LTN1: variants seen among roughly 807,000 people sequenced by gnomAD.
LTN1 encodes the protein listerin E3 ubiquitin protein ligase 1, also known as E3 ubiquitin-protein ligase listerin.
A neutral mutation model predicts 201.2 loss-of-function variants in LTN1; 88 were observed. That is an observed-to-expected ratio of 0.44 (90% CI 0.37 to 0.52). The LOEUF is 0.52. Among genes scored for constraint, LTN1 ranks in the 20% least tolerant of loss-of-function variants. LTN1 has a pLI of 0.00. For missense variants in LTN1, 1,752 were observed against 2,038.7 expected (o/e 0.86, Z 2.71); for synonymous variants, 645 against 713.5 (o/e 0.90, Z 1.53).
At position 28,991,570 on chromosome 21, in the gene LTN1, T is replaced by C. The variant is rs8131028; in HGVS notation, c.42+1194A>G. On this transcript the variant is annotated intron_variant, in intron 1 of 29. Coordinates refer to ENST00000361371, the MANE Select transcript of LTN1 (RefSeq NM_015565.3). The stretch of plus-strand genomic sequence containing the variant: ...GCAAATGCAACCAAGTATTAGCAAT[T>C]GGTAAATGTAGGTAAAGAGTATATG... 4.8e-3 allele frequency among the ~76,000 whole-genome samples: 729 copies of C among 152,306 alleles called. 7 individuals are homozygous for C. The highest frequency in any genetic ancestry group is 0.017 in the African/African-American group (700 of 41,568).
chr21:28,987,277 G>C (rs1240227965), intron 1 of LTN1, among the ~76,000 whole-genome samples: 1 of 152,048 alleles, frequency 6.6e-6, no homozygotes, highest in African/African-American at 2.4e-5. Context: ...ATCACATGCA[G>C]GAAAATTTTC....
chr21:28,956,212 A>C (rs551021129), intron 16 of LTN1, among the ~76,000 whole-genome samples: 2 of 152,186 alleles, frequency 1.3e-5, no homozygotes, highest in South Asian at 4.1e-4. Context: ...TCAATAACAC[A>C]GTAGGATGAC....
At chr21:28,940,791 G>T (rs1159306994) in intron 25 of LTN1, among the ~76,000 whole-genome samples, 1 of 152,160 alleles carries the variant, frequency 6.6e-6, no homozygotes, top group Non-Finnish European at 1.5e-5. Context: ...AAGTTAGTTG[G>T]ATAAAATGAG....
intron 25 of LTN1, among the ~76,000 whole-genome samples, chr21:28,940,650 A>G (rs1040506382): frequency 5.3e-5 from 8 of 152,196 alleles, no homozygotes; most frequent in Non-Finnish European, 8.8e-5. Context: ...TATAAATATT[A>G]TTTCCTGAAA....
chr21:28,945,429 T>A (rs1601171817), intron 21 of LTN1, among the ~76,000 whole-genome samples: 1 of 152,336 alleles, frequency 6.6e-6, no homozygotes. Flanking sequence ...AATCTGCTAC[T>A]ATTTAATGCA....
chr21:28,986,373 T>A lies in LTN1; in HGVS notation c.247-136A>T, dbSNP rs929101418. 1.4e-5 allele frequency: 10 copies of A among 693,156 alleles called. No individual in the cohort carries two copies. In the African/African-American group the frequency reaches 1.8e-4, roughly 12 times the overall value. The allele number at this position is 693,156 out of a possible 1,614,324, so 42.9% of individuals were successfully genotyped here. A position where few individuals can be genotyped will look rare whatever the true frequency, so the allele number is the denominator to read the frequency against. ...CTCTTTATGCCATATGAGACTAGTT[T>A]GAAGAGCTCTTTCACAGGCTACTAC... On this transcript the variant is annotated intron_variant, in intron 2 of 29. Transcript: ENST00000361371. The surrounding 1 kb of genome is among the most constrained non-coding windows in gnomAD (Gnocchi z 4.1).
chr21:28,950,025 G>A (rs1314155044), intron 18 of LTN1, among the ~76,000 whole-genome samples: 1 of 151,916 alleles, frequency 6.6e-6, no homozygotes, highest in East Asian at 1.9e-4. Flanking sequence ...GTTATATTTG[G>A]CATGCAGTCT....
intron 18 of LTN1, 44 bp downstream of exon 18, chr21:28,952,116 G>C (rs373492444): frequency 8.5e-7 from 1 of 1,183,146 alleles, no homozygotes; most frequent in Admixed American, 2.1e-5. Context: ...CAAAGTGACC[G>C]ATTACAGTAA....
chr21:28,967,118 T>C lies in LTN1; in HGVS notation c.1373A>G (p.Asn458Ser), dbSNP rs1224824559. Reference sequence around the variant, plus strand: ...GGAACTTAGAGTTTCTGCTAAATGGTTAAATAGCTGCCCATGTTGCAATCC... The same window carrying C: ...GGAACTTAGAGTTTCTGCTAAATGGCTAAATAGCTGCCCATGTTGCAATCC... ...DPGLQHGQLF[N>S]HLAETLSSWE... The change falls in exon 10 of 30, where the codon AAC (asparagine) becomes AGC (serine). Residue 458 changes from asparagine to serine, a missense_variant. By Grantham distance (46) the Asn-to-Ser change is conservative (BLOSUM62 1). Around this residue, in one of 3 missense-constraint regions of LTN1, gnomAD observed 1,211 missense variants for 1,312.8 expected, o/e 0.92. Coordinates refer to ENST00000361371, the MANE Select transcript of LTN1 (RefSeq NM_015565.3). The C allele has an allele frequency of 6.2e-7, 1 of 1,614,108 alleles. No individual in the cohort carries two copies. The highest frequency in any genetic ancestry group is 8.5e-7 in the Non-Finnish European group (1 of 1,179,990).
chr21:28,974,981 T>G (rs1435342103), intron 6 of LTN1, among the ~76,000 whole-genome samples: 4 of 146,964 alleles, frequency 2.7e-5, no homozygotes, highest in Non-Finnish European at 6.0e-5. Context: ...AACTGCCTCC[T>G]AACAAAAAAA....
At position 28,955,691 on chromosome 21, in the gene LTN1, G is replaced by C. The variant is rs193153146; in HGVS notation, c.3079+1071C>G. On this transcript the variant is annotated intron_variant, in intron 16 of 29. Transcript: ENST00000361371. ...TATAATCCCAGCACTTTGGGAGGCT[G>C]AGACGGGCGGATCACGAGGTCAGGA... is the stretch of plus-strand genomic sequence containing the variant. 4.3e-3 allele frequency among the ~76,000 whole-genome samples: 651 copies of C among 152,142 alleles called. 2 individuals are homozygous for C. Among genetic ancestry groups the C allele is most frequent in the African/African-American group, 0.015 (610 of 41,518 alleles).
At chr21:28,936,494 C>G (rs748408742) in intron 26 of LTN1, 32 bp downstream of exon 26, 1 of 1,553,354 alleles carries the variant, frequency 6.4e-7, no homozygotes, top group African/African-American at 1.4e-5. Flanking sequence ...ATCTAGTGTC[C>G]AAGAAAGAAC....
intron 18 of LTN1, among the ~76,000 whole-genome samples, chr21:28,948,416 T>C (rs951017238): frequency 6.6e-6 from 1 of 151,132 alleles, no homozygotes. Flanking sequence ...ATTACAGGCA[T>C]GCACCACCAT....
intron 21 of LTN1, among the ~76,000 whole-genome samples, chr21:28,945,505 A>G (rs1162667730): frequency 6.6e-6 from 1 of 152,236 alleles, no homozygotes; most frequent in Non-Finnish European, 1.5e-5. Flanking sequence ...AAAGACCAAA[A>G]TAATTGTCAT....
chr21:28,991,240 A>C (rs1460313791), intron 1 of LTN1, among the ~76,000 whole-genome samples: 1 of 151,474 alleles, frequency 6.6e-6, no homozygotes, highest in Non-Finnish European at 1.5e-5. Flanking sequence ...GCAGTGGGCC[A>C]TGATCATACC....
At chr21:28,950,218 T>C (rs992098161) in intron 18 of LTN1, among the ~76,000 whole-genome samples, 12 of 152,276 alleles carry the variant, frequency 7.9e-5, no homozygotes, top group Admixed American at 2.0e-4. Context: ...GTGATCTTTA[T>C]TCAAGTTTTA....
intron 1 of LTN1, 74 bp from the exon 2 acceptor site, chr21:28,987,008 T>C (rs1690285745): frequency 1.1e-6 from 1 of 950,108 alleles, no homozygotes; most frequent in African/African-American, 1.6e-5. Context: ...ATTCCTTGGC[T>C]ATTCCCATGG....
intron 14 of LTN1, 82 bp from the exon 15 acceptor site, chr21:28,957,558 A>G: frequency 3.4e-6 from 3 of 879,470 alleles, no homozygotes; most frequent in Middle Eastern, 3.7e-4. Flanking sequence ...AATACCCTAT[A>G]ATAGCTCACC....
intron 1 of LTN1, among the ~76,000 whole-genome samples, chr21:28,991,046 A>G (rs2084741014): frequency 6.6e-6 from 1 of 151,956 alleles, no homozygotes; most frequent in Admixed American, 6.6e-5. Flanking sequence ...CTAAGCTGGG[A>G]GGATCACTTG....
Sources: gnomAD v4.1 joint callset for allele counts (sites outside exome capture counted in the v4.1 genomes callset) on GRCh38, gnomAD v4.1.1 for gene constraint, gnomAD v4.1.1 regional missense constraint, Gnocchi (gnomAD v3.1) non-coding constraint, MANE v1.5 for transcripts, NCBI Gene and HGNC (gene_info 2026-07-23, HGNC 2026-07-21) for gene names.